LCORL: variants seen among roughly 807,000 people sequenced by gnomAD.
LCORL encodes ligand dependent nuclear receptor corepressor like, also known as ligand-dependent nuclear receptor corepressor-like protein.
A neutral mutation model predicts 141.8 loss-of-function variants in LCORL; 41 were observed. That is an observed-to-expected ratio of 0.29 (90% CI 0.23 to 0.38). The LOEUF (loss-of-function observed/expected upper bound fraction) is 0.38. Among genes scored for constraint, LCORL ranks in the 10% least tolerant of loss-of-function variants. The pLI is 1.00. For missense variants in LCORL, 1,759 were observed against 2,035.0 expected (o/e 0.86, Z 2.61); for synonymous variants, 618 against 694.1 (o/e 0.89, Z 1.72).
exon 7 of LCORL, chr4:17,874,780 T>G: frequency 8.1e-7 from 1 of 1,233,874 alleles, no homozygotes; most frequent in East Asian, 3.2e-5. Flanking sequence ...GGTACTAATT[T>G]ATTATCTTCC....
intron 4 of LCORL, chr4:17,912,769 C>T (rs1166991263): frequency 5.5e-5 from 23 of 418,506 alleles, no homozygotes; most frequent in Non-Finnish European, 4.7e-6. Context: ...AGAGGCAGCA[C>T]CAGGCCCAGG....
chr4:17,972,886 C>T lies in LCORL; in HGVS notation c.155-1G>A. On this transcript the variant is annotated splice_acceptor_variant, in intron 1 of 7. Transcript: ENST00000635767. LOFTEE classifies it high-confidence loss of function. ...AGCCCTTCTAAAATACTCTCAAAAC[C>T]TGTGTTTTTAGAGAGAGAAAAGTAT... The T allele has an allele frequency of 7.1e-7, 1 of 1,399,198 alleles. No individual in the cohort carries two copies. Among genetic ancestry groups the T allele is most frequent in the Non-Finnish European group, 9.4e-7 (1 of 1,065,200 alleles). 86.7% of individuals were successfully genotyped at this position (1,399,198 alleles called of 1,614,324 possible). A position where few individuals can be genotyped will look rare whatever the true frequency, so the allele number is the denominator to read the frequency against.
At chr4:17,925,980 A>G (rs867675828) in intron 4 of LCORL, among the ~76,000 whole-genome samples, 2 of 151,672 alleles carry the variant, frequency 1.3e-5, no homozygotes, top group East Asian at 1.9e-4. Flanking sequence ...ATCGTGTGTC[A>G]TAAGATTTAC....
chr4:17,933,568 C>T (rs1414285475), intron 4 of LCORL, among the ~76,000 whole-genome samples: 1 of 151,878 alleles, frequency 6.6e-6, no homozygotes, highest in African/African-American at 2.4e-5. Flanking sequence ...TTTTTGAATG[C>T]CTGGATTTTG....
At chr4:17,910,969 G>A (rs1052635208) in intron 4 of LCORL, among the ~76,000 whole-genome samples, 2 of 152,142 alleles carry the variant, frequency 1.3e-5, no homozygotes, top group African/African-American at 4.8e-5. Context: ...GACACTATTC[G>A]TTTTGGGGCA....
At chr4:17,920,844 C>A (rs1031839666) in intron 4 of LCORL, among the ~76,000 whole-genome samples, 3 of 152,192 alleles carry the variant, frequency 2.0e-5, no homozygotes, top group Admixed American at 1.3e-4. Flanking sequence ...AATTCAGTCA[C>A]ATCTTCAGGC....
intron 5 of LCORL, among the ~76,000 whole-genome samples, chr4:17,903,220 C>CT (rs1382980351): frequency 6.6e-6 from 1 of 151,996 alleles, no homozygotes; most frequent in Non-Finnish European, 1.5e-5. Context: ...AAGTTTCCTG[C>CT]TCCCAAAGGC....
exon 7 of LCORL, chr4:17,877,630 A>G (rs1252690615): frequency 8.1e-7 from 1 of 1,230,422 alleles, no homozygotes; most frequent in Non-Finnish European, 1.0e-6. Context: ...ACGTCTTTCA[A>G]TTTTTCAAAT....
intron 4 of LCORL, among the ~76,000 whole-genome samples, chr4:17,918,894 T>C (rs1212044578): frequency 6.6e-6 from 1 of 152,154 alleles, no homozygotes; most frequent in East Asian, 1.9e-4. Flanking sequence ...AGATCACATT[T>C]AGATGCATCC....
At chr4:17,909,961 T>C (rs1310060440) in intron 4 of LCORL, among the ~76,000 whole-genome samples, 2 of 152,132 alleles carry the variant, frequency 1.3e-5, no homozygotes, top group African/African-American at 4.8e-5. Context: ...TCTGCCAAAT[T>C]AGCTTTCTTT....
At chr4:17,940,270 G>A (rs968219584) in intron 4 of LCORL, among the ~76,000 whole-genome samples, 5 of 148,396 alleles carry the variant, frequency 3.4e-5, no homozygotes, top group African/African-American at 1.2e-4. Context: ...TCTAGGGACA[G>A]TATAAAGATT....
intron 7 of LCORL, among the ~76,000 whole-genome samples, chr4:17,856,458 A>G (rs1724378414): frequency 6.6e-6 from 1 of 152,206 alleles, no homozygotes; most frequent in Non-Finnish European, 1.5e-5. Context: ...CTTGCAAACC[A>G]AACCTGCTGG....
intron 7 of LCORL, among the ~76,000 whole-genome samples, chr4:17,864,237 T>G (rs1725354373): frequency 6.6e-6 from 1 of 152,212 alleles, no homozygotes; most frequent in African/African-American, 2.4e-5. Context: ...AAGCCACTTT[T>G]TTTTTAAAAC....
intron 1 of LCORL, chr4:18,020,613 C>T (rs1020882949): frequency 9.9e-5 from 15 of 151,048 alleles, no homozygotes; most frequent in African/African-American, 1.7e-4. Context: ...GGGAGTCCCA[C>T]CATTCCTGTC....
intron 7 of LCORL, among the ~76,000 whole-genome samples, chr4:17,854,684 TA>T (rs201890118): frequency 3.3e-5 from 5 of 150,806 alleles, no homozygotes; most frequent in African/African-American, 2.4e-5. Context: ...ATTGCTTTTT[TA>T]AAAAAAAACA....
chr4:17,968,177 T>TGACATTACTTTTTAAC (rs895019077), intron 2 of LCORL, among the ~76,000 whole-genome samples: 2 of 152,140 alleles, frequency 1.3e-5, no homozygotes, highest in African/African-American at 2.4e-5. Flanking sequence ...TACTTTTTAT[T>TGACATTACTTTTTAAC]GACATTACTT....
chr4:17,880,357 T>A, intron 6 of LCORL: 1 of 698,042 alleles, frequency 1.4e-6, no homozygotes, highest in Non-Finnish European at 1.8e-6. Context: ...GTCTAGAATT[T>A]ATTCTCAGGT....
chr4:17,872,712 C>G (rs1260628166), intron 7 of LCORL, among the ~76,000 whole-genome samples: 1 of 152,074 alleles, frequency 6.6e-6, no homozygotes, highest in African/African-American at 2.4e-5. Flanking sequence ...TATGGATTAC[C>G]TGTGAAAAAG....
chr4:17,846,511 A>G (rs1420182209), intron 7 of LCORL, among the ~76,000 whole-genome samples: 1 of 152,116 alleles, frequency 6.6e-6, no homozygotes, highest in Non-Finnish European at 1.5e-5. Flanking sequence ...AAACATCAGG[A>G]ATTAAACTTA....
Sources: gnomAD v4.1 joint callset for allele counts (sites outside exome capture counted in the v4.1 genomes callset) on GRCh38, gnomAD v4.1.1 for gene constraint, MANE v1.5 for transcripts, NCBI Gene and HGNC (gene_info 2026-07-23, HGNC 2026-07-21) for gene names.